Variants in PCYT1A observed in about 807,000 individuals in gnomAD.
PCYT1A encodes choline-phosphate cytidylyltransferase A.
Under a neutral mutation model 43.7 loss-of-function variants are expected in PCYT1A, and 25 were observed. The ratio of observed to expected loss-of-function variants is 0.57; its 90% CI spans 0.42 to 0.80. PCYT1A has a LOEUF of 0.80. PCYT1A is among the 30% of genes least tolerant of loss of function. The pLI, the probability that PCYT1A is intolerant of heterozygous loss-of-function variation, is 0.00. For missense variants in PCYT1A, 421 were observed against 474.2 expected (o/e 0.89, Z 1.04); for synonymous variants, 172 against 170.7 (o/e 1.01, Z -0.06).
At chr3:196,250,318 C>A (rs1724712888) in intron 3 of PCYT1A, among the ~76,000 whole-genome samples, 1 of 151,964 alleles carries the variant, frequency 6.6e-6, no homozygotes, top group Admixed American at 6.5e-5. Context: ...GGCTGAGGAT[C>A]AGATACACTA....
intron 2 of PCYT1A, among the ~76,000 whole-genome samples, chr3:196,266,715 C>G (rs1431377430): frequency 1.3e-5 from 2 of 151,832 alleles, no homozygotes; most frequent in Non-Finnish European, 2.9e-5. Flanking sequence ...CATGGTAAAA[C>G]CCCATCTCTA....
At chr3:196,280,580 T>TG (rs1318289567) in intron 1 of PCYT1A, among the ~76,000 whole-genome samples, 1 of 148,382 alleles carries the variant, frequency 6.7e-6, no homozygotes, top group African/African-American at 2.5e-5. Flanking sequence ...GTTTTTTTTT[T>TG]TTTTTTTTTC....
intron 5 of PCYT1A, among the ~76,000 whole-genome samples, chr3:196,246,312 C>G (rs1203817219): frequency 6.6e-6 from 1 of 152,168 alleles, no homozygotes; most frequent in South Asian, 2.1e-4. Context: ...TGACAACATG[C>G]TTGCTATTTC....
chr3:196,272,717 G>A (rs1036693325), intron 1 of PCYT1A, among the ~76,000 whole-genome samples: 1 of 152,176 alleles, frequency 6.6e-6, no homozygotes, highest in Non-Finnish European at 1.5e-5. Flanking sequence ...CCCCCTCAGG[G>A]ATTCTCCTTC....
intron 1 of PCYT1A, among the ~76,000 whole-genome samples, chr3:196,275,288 C>T (rs993312104): frequency 5.3e-5 from 8 of 151,878 alleles, no homozygotes; most frequent in East Asian, 1.9e-4. Flanking sequence ...ATAAGCCAGA[C>T]GAGAAAGACA....
chr3:196,246,160 T>A (rs139130889), intron 5 of PCYT1A, among the ~76,000 whole-genome samples: 1 of 152,176 alleles, frequency 6.6e-6, no homozygotes. Context: ...ATAAAAGGTC[T>A]GTCCTAATCC....
rs757128901 is a variant in PCYT1A, at chr3:196,247,478, C to T, written c.375G>A (p.Thr125=). 49 of 1,614,026 alleles carry T rather than the reference C, an allele frequency of 3.0e-5. No individual in the cohort carries two copies. The highest frequency in any genetic ancestry group is 6.7e-5 in the African/African-American group (5 of 74,928). The change falls in exon 5 of 9, where the codon ACG becomes ACA. Residue 125 remains threonine, a synonymous_variant. Transcript: ENST00000431016. The surrounding 1 kb of genome is among the most constrained non-coding windows in gnomAD (Gnocchi z 4.8). ...DELTHNFKGF[T]VMNENERYDA... ...CATAGCGCTCATTCTCGTTCATCAC[C>T]GTGAAGCCTTTGAAGTTGTGTGTGA...
rs199576927 is a variant in PCYT1A at position 196,277,919 on chromosome 3, G to GT, written c.-10-7379dup. 6.5e-4 allele frequency among the ~76,000 whole-genome samples: 99 copies of GT among 152,242 alleles called. No individual in the cohort carries two copies. Among genetic ancestry groups the GT allele is most frequent in the Admixed American group, 1.2e-3 (19 of 15,286 alleles). Reference sequence around the variant, plus strand: ...AACTTTTACTCTGTAGGTCTCACAAGTTTTTTTCATTTTTTCCCGGCCTTC... The same window carrying GT: ...AACTTTTACTCTGTAGGTCTCACAAGTTTTTTTTCATTTTTTCCCGGCCTTC... On this transcript the variant is annotated intron_variant, in intron 1 of 8. Coordinates refer to ENST00000431016, the MANE Select transcript of PCYT1A (RefSeq NM_001312673.2). The surrounding 1 kb of genome is among the most constrained non-coding windows in gnomAD (Gnocchi z 4.1).
rs574679541 is a variant in PCYT1A, at chr3:196,278,678, T to C, written c.-10-8137A>G. Among the ~76,000 whole-genome samples the C allele has an allele frequency of 4.6e-5, 7 of 152,258 alleles. 1 individual carries two copies. Among genetic ancestry groups the C allele is most frequent in the Admixed American group, 4.6e-4 (7 of 15,290 alleles). On this transcript the variant is annotated intron_variant, in intron 1 of 8. Transcript: ENST00000431016. ...GTGGTTCATCCTCCAGAACACTTTC[T>C]TTGTCAAAAAGGCTATAACAGCCCA...
In PCYT1A at chr3:196,237,970, GA is replaced by G. The variant is rs1724218578; in HGVS notation, c.*717del. 1 of 152,198 alleles carries G rather than the reference GA, an allele frequency of 6.6e-6. No homozygotes were observed. Among genetic ancestry groups the G allele is most frequent in the Non-Finnish European group, 1.5e-5 (1 of 68,040 alleles). 9.4% of individuals were successfully genotyped at this position (152,198 alleles called of 1,614,324 possible). Reference sequence around the variant, plus strand: ...GTTTTCTGAGAAGATGAACACAGCAGAAACACTGCAGTTGATGCCATGGGTC... The same window carrying G: ...GTTTTCTGAGAAGATGAACACAGCAGAACACTGCAGTTGATGCCATGGGTC... On this transcript the variant is annotated 3_prime_UTR_variant, in exon 9 of 9. Transcript: ENST00000431016.
At chr3:196,261,904 G>C (rs1343894249) in intron 2 of PCYT1A, among the ~76,000 whole-genome samples, 1 of 152,050 alleles carries the variant, frequency 6.6e-6, no homozygotes, top group African/African-American at 2.4e-5. Flanking sequence ...TGTCCTTCCT[G>C]GCTGGGGTTT....
intron 3 of PCYT1A, among the ~76,000 whole-genome samples, chr3:196,253,665 C>T (rs778675511): frequency 4.1e-4 from 62 of 152,164 alleles, no homozygotes; most frequent in Non-Finnish European, 7.5e-4. Context: ...ATCCCAGATG[C>T]GCCTCTTGCT....
intron 3 of PCYT1A, among the ~76,000 whole-genome samples, chr3:196,250,289 A>C (rs889911260): frequency 6.6e-6 from 1 of 151,952 alleles, no homozygotes; most frequent in Admixed American, 6.6e-5. Context: ...CGAGGCGAGG[A>C]CCAGATACAC....
rs140068321 is a variant in PCYT1A at position 196,279,955 on chromosome 3, C to T, written c.-11+7660G>A. 5.1e-3 allele frequency among the ~76,000 whole-genome samples: 763 copies of T among 150,898 alleles called. 8 individuals carry two copies. Among genetic ancestry groups the T allele is most frequent in the African/African-American group, 0.017 (715 of 41,122 alleles). ...GTTCAAGCAATTCTCCTGCCTCAGCCTCCCGAGTAGCTGGGATTACAGGCA... is the reference window on the plus strand; with the variant it reads ...GTTCAAGCAATTCTCCTGCCTCAGCTTCCCGAGTAGCTGGGATTACAGGCA... On this transcript the variant is annotated intron_variant, in intron 1 of 8. Coordinates refer to ENST00000431016, the MANE Select transcript of PCYT1A (RefSeq NM_001312673.2).
chr3:196,254,969 C>A (rs1724908755), intron 3 of PCYT1A, among the ~76,000 whole-genome samples: 1 of 152,022 alleles, frequency 6.6e-6, no homozygotes, highest in South Asian at 2.1e-4. Context: ...CTAGAGCTGA[C>A]CTTCTTGTCT....
chr3:196,241,555 G>T, intron 7 of PCYT1A: 4 of 1,296,194 alleles, frequency 3.1e-6, no homozygotes, highest in Non-Finnish European at 4.0e-6. Context: ...TAAAACTCAG[G>T]TCTGTGTGGG....
At position 196,242,799 on chromosome 3, in the gene PCYT1A, C is replaced by A. The variant is rs1007318291; in HGVS notation, c.487-159G>T. On this transcript the variant is annotated intron_variant, in intron 5 of 8. Coordinates refer to ENST00000431016, the MANE Select transcript of PCYT1A (RefSeq NM_001312673.2). This position sits in a 1 kb window ranked among gnomAD's most constrained non-coding sequence, Gnocchi z 4.2. The stretch of plus-strand genomic sequence containing the variant: ...GCTCATAAATTCTACAATCTATTCA[C>A]AAACCACCCAACCTAATGATTTATG... The A allele has an allele frequency of 1.6e-6, 1 of 633,342 alleles. No homozygotes were observed. The highest frequency in any genetic ancestry group is 2.9e-6 in the Non-Finnish European group (1 of 347,996). The allele number at this position is 633,342 out of a possible 1,614,324, so 39.2% of individuals were successfully genotyped here. A position where few individuals can be genotyped will look rare whatever the true frequency, so the allele number is the denominator to read the frequency against.
At chr3:196,270,780 C>G (rs566421725) in intron 1 of PCYT1A, among the ~76,000 whole-genome samples, 1 of 152,140 alleles carries the variant, frequency 6.6e-6, no homozygotes, top group East Asian at 1.9e-4. Flanking sequence ...TGCCTGAAGT[C>G]GGAAGTCATT....
At chr3:196,259,699 G>T (rs1265732008) in intron 2 of PCYT1A, among the ~76,000 whole-genome samples, 1 of 151,442 alleles carries the variant, frequency 6.6e-6, no homozygotes, top group African/African-American at 2.4e-5. Context: ...ACAAACATTA[G>T]CTGGGCGTGG....
Sources: gnomAD v4.1 joint callset for allele counts (sites outside exome capture counted in the v4.1 genomes callset) on GRCh38, gnomAD v4.1.1 for gene constraint, Gnocchi (gnomAD v3.1) non-coding constraint, MANE v1.5 for transcripts, NCBI Gene and HGNC (gene_info 2026-07-23, HGNC 2026-07-21) for gene names.